The following PKD1L3 variants were observed in gnomAD, a reference collection of about 807,000 sequenced individuals.
PKD1L3 encodes the protein polycystin 1 like 3, transient receptor potential channel interacting.
A neutral mutation model predicts 184.1 loss-of-function variants in PKD1L3; 239 were observed. The observed-to-expected ratio is 1.30, with a 90% CI of 1.17 to 1.45. The LOEUF (loss-of-function observed/expected upper bound fraction) is 1.45. Ranked by LOEUF, PKD1L3 falls within the 40% of genes most tolerant of loss-of-function variation. PKD1L3 has a pLI of 0.00. For synonymous variants in PKD1L3, 996 were observed against 778.8 expected, an observed-to-expected ratio of 1.28 and a Z score of -4.64; for missense variants, 2,660 against 2,067.2, an observed-to-expected ratio of 1.29 and a Z score of -5.56.
intron 10 of PKD1L3, 63 bp downstream of exon 10, chr16:71,978,192 C>T: frequency 6.7e-7 from 1 of 1,495,556 alleles, no homozygotes; most frequent in Non-Finnish European, 9.1e-7. Context: ...TTGTTGCATC[C>T]TTCCATCCTG....
chr16:71,950,200 A>G lies in PKD1L3; in HGVS notation c.3301T>C (p.Phe1101Leu). The change falls in exon 20 of 30, where the codon TTC becomes CTC. Residue 1101 changes from phenylalanine to leucine, a missense_variant. Coordinates refer to ENST00000620267, the MANE Select transcript of PKD1L3 (RefSeq NM_181536.2). Reference protein sequence around the residue: ...GLTQGHQSCDFLDAASQLQKL... With the variant: ...GLTQGHQSCDLLDAASQLQKL... Reference sequence around the variant, plus strand: ...TGAAGTTGGCTGGCTGCATCTAGGAAGTCACAGGACTGGTGACCCTGGGTG... The same window carrying G: ...TGAAGTTGGCTGGCTGCATCTAGGAGGTCACAGGACTGGTGACCCTGGGTG... The G allele has an allele frequency of 1.3e-6, 2 of 1,552,324 alleles. No individual in the cohort carries two copies. Among genetic ancestry groups the G allele is most frequent in the Non-Finnish European group, 1.7e-6 (2 of 1,147,138 alleles).
chr16:71,937,280 T>C lies in PKD1L3; in HGVS notation c.4452+12A>G, dbSNP rs2038212320. 6.5e-7 allele frequency: 1 copy of C among 1,548,484 alleles called. No homozygotes were observed. ...ATGTTGCCCAGGCTGACATCTAACA[T>C]TATTGACTCACCTGTATGAAGGCAT... On this transcript the variant is annotated intron_variant, in intron 25 of 29. Coordinates refer to ENST00000620267, the MANE Select transcript of PKD1L3 (RefSeq NM_181536.2).
At chr16:71,945,182 A>G in intron 22 of PKD1L3, among the ~76,000 whole-genome samples, 1 of 145,928 alleles carries the variant, frequency 6.9e-6, no homozygotes, top group African/African-American at 2.5e-5. Flanking sequence ...TGGTATTCTC[A>G]GATTTTAATG....
At chr16:71,963,439 T>C (rs1300121098) in intron 15 of PKD1L3, 88 bp from the exon 16 acceptor site, 28 of 1,304,578 alleles carry the variant, frequency 2.1e-5, no homozygotes, top group Non-Finnish European at 2.5e-5. Flanking sequence ...ATTAGTAAAC[T>C]GTCCAAGTAA....
chr16:71,935,881 C>T (rs964938783), intron 25 of PKD1L3, among the ~76,000 whole-genome samples: 1 of 152,132 alleles, frequency 6.6e-6, no homozygotes, highest in Non-Finnish European at 1.5e-5. Context: ...CCTCAACCTC[C>T]CAGGCTCAGG....
chr16:71,991,610 G>T (rs550028038), intron 3 of PKD1L3, among the ~76,000 whole-genome samples: 1 of 152,174 alleles, frequency 6.6e-6, no homozygotes, highest in Admixed American at 6.5e-5. Context: ...TTCATTTAAA[G>T]AGTACAGGAA....
chr16:71,986,914 ATTTTTTTTTT>A (rs71153694), intron 4 of PKD1L3, among the ~76,000 whole-genome samples: 30 of 81,352 alleles, frequency 3.7e-4, no homozygotes, highest in East Asian at 7.3e-4. Flanking sequence ...TAAGGAGAGG[ATTTTTTTTTT>A]TTTTTTTTTT....
chr16:71,935,534 AC>A lies in PKD1L3; in HGVS notation c.4453-17del, dbSNP rs2038146181. The A allele has an allele frequency of 6.5e-7, 1 of 1,550,228 alleles. No homozygotes were observed. Among genetic ancestry groups the A allele is most frequent in the African/African-American group, 1.4e-5 (1 of 73,138 alleles). ...GCTGACAACCCTAAACATAGACAGC[AC>A]AGTCACTGTTGCTTGTCTGAGAGAT... On this transcript the variant is annotated splice_polypyrimidine_tract_variant and intron_variant, in intron 25 of 29. Transcript: ENST00000620267.
At chr16:71,962,284 C>T (rs185555198) in intron 16 of PKD1L3, among the ~76,000 whole-genome samples, 139 of 151,976 alleles carry the variant, frequency 9.1e-4, no homozygotes, top group African/African-American at 3.1e-3. Context: ...AGCCGAGAGC[C>T]GTAATATTGA....
At chr16:71,963,467 AAGGCAAG>A in intron 15 of PKD1L3, 116 bp from the exon 16 acceptor site, 1 of 1,132,628 alleles carries the variant, frequency 8.8e-7, no homozygotes, top group Non-Finnish European at 1.2e-6. Context: ...GTTTCATTGC[AAGGCAAG>A]AACTAAGGAA....
Position 71,949,964 on chromosome 16 carries a change from G to C in PKD1L3, c.3437C>G (p.Ser1146Ter). ...LSSEEGKKPI[S>*]NGLSKWLTSV... Reference sequence around the variant, plus strand: ...AGTCAACCATTTGGACAGGCCATTTGAGATGGGCTTTTTTCCTTCTTCTGA... The same window carrying C: ...AGTCAACCATTTGGACAGGCCATTTCAGATGGGCTTTTTTCCTTCTTCTGA... The change falls in exon 21 of 30, where the codon TCA (serine) becomes TGA (stop). Residue 1146 changes from serine (S) to a stop codon, truncating the protein, a stop_gained. Transcript: ENST00000620267. LOFTEE classifies it high-confidence loss of function. 6.4e-7 allele frequency: 1 copy of C among 1,551,682 alleles called. No individual in the cohort carries two copies. The highest frequency in any genetic ancestry group is 8.7e-7 in the Non-Finnish European group (1 of 1,147,008).
intron 24 of PKD1L3, among the ~76,000 whole-genome samples, chr16:71,938,507 T>C (rs2038256300): frequency 6.6e-6 from 1 of 152,240 alleles, no homozygotes; most frequent in South Asian, 2.1e-4. Flanking sequence ...AGGGATCATT[T>C]GAAGCCTGGG....
chr16:71,978,333 A>T lies in PKD1L3; in HGVS notation c.1449T>A (p.Ile483=). ...NPFKDLDNRN[I]VGSIGSVLLS... is the part of the protein sequence containing the mutation. ...GTAACACACTTCCAATGCTTCCAAC[A>T]ATGTTTCTGTTGTCCAAATCCTTGA... Residue 483 remains isoleucine (I), a synonymous_variant, in exon 10 of 30, where the codon ATT becomes ATA. Transcript: ENST00000620267. 1 of 1,550,404 alleles carries T rather than the reference A, an allele frequency of 6.4e-7. No individual in the cohort carries two copies.
chr16:71,996,447 G>T (rs2040788935), intron 2 of PKD1L3, among the ~76,000 whole-genome samples: 1 of 151,514 alleles, frequency 6.6e-6, no homozygotes, highest in South Asian at 2.1e-4. Context: ...TTTTAGTAGA[G>T]ACTGGGGTTT....
chr16:71,930,321 A>G, intron 28 of PKD1L3, 138 bp from the exon 29 acceptor site: 1 of 837,186 alleles, frequency 1.2e-6, no homozygotes, highest in Non-Finnish European at 1.7e-6. Flanking sequence ...GTCAAAAGAT[A>G]ATAAGAAGGA....
At chr16:71,963,707 C>T (rs1036423490) in intron 15 of PKD1L3, among the ~76,000 whole-genome samples, 12 of 151,984 alleles carry the variant, frequency 7.9e-5, no homozygotes, top group African/African-American at 1.7e-4. Flanking sequence ...TGTTTGAGCC[C>T]GGGAGGTCAA....
chr16:71,996,562 C>T (rs2040794368), intron 2 of PKD1L3, among the ~76,000 whole-genome samples: 1 of 152,126 alleles, frequency 6.6e-6, no homozygotes, highest in Admixed American at 6.5e-5. Flanking sequence ...GCCTGGCCCA[C>T]ATTGTCCTTT....
At chr16:71,969,813 CT>C in intron 13 of PKD1L3, 61 bp downstream of exon 13, 1 of 1,418,586 alleles carries the variant, frequency 7.0e-7, no homozygotes, top group Non-Finnish European at 9.5e-7. Flanking sequence ...GTGTTTTTTC[CT>C]TCATCTTATT....
In PKD1L3 at chr16:71,954,298, A is replaced by G; in HGVS notation, c.2616T>C (p.His872=). ...VSKRELFSFR[H]LFSSMIVEKF... Reference sequence around the variant, plus strand: ...TTTCCACAATCATGGAGGAAAACAGATGTCTGAAAAGAGAAATCAGAAGAG... The same window carrying G: ...TTTCCACAATCATGGAGGAAAACAGGTGTCTGAAAAGAGAAATCAGAAGAG... Residue 872 remains histidine (H), a synonymous_variant, in exon 17 of 30, where the codon CAT becomes CAC. Coordinates refer to ENST00000620267, the MANE Select transcript of PKD1L3 (RefSeq NM_181536.2). The G allele has an allele frequency of 6.5e-7, 1 of 1,529,682 alleles. No individual in the cohort carries two copies. Among genetic ancestry groups the G allele is most frequent in the South Asian group, 1.2e-5 (1 of 81,040 alleles). The allele number at this position is 1,529,682 out of a possible 1,614,324, so 94.8% of individuals were successfully genotyped here. A position where few individuals can be genotyped will look rare whatever the true frequency, so the allele number is the denominator to read the frequency against.
Sources: allele counts gnomAD v4.1 joint callset (sites outside exome capture counted in the v4.1 genomes callset), GRCh38; gene constraint gnomAD v4.1.1; transcripts MANE v1.5; gene names NCBI Gene and HGNC (gene_info 2026-07-23, HGNC 2026-07-21).